The following RNF214 variants were observed in gnomAD, a reference collection of about 807,000 sequenced individuals.
RNF214 encodes ring finger protein 214.
A neutral mutation model predicts 75.9 loss-of-function variants in RNF214; 25 were observed. The ratio of observed to expected loss-of-function variants is 0.33; its 90% CI spans 0.24 to 0.46. The LOEUF (loss-of-function observed/expected upper bound fraction) is 0.46, where lower values mean the gene tolerates loss of function less well. Among genes scored for constraint, RNF214 ranks in the 20% least tolerant of loss-of-function variants. The pLI is 1.00. For missense variants in RNF214, 725 were observed against 857.5 expected, an observed-to-expected ratio of 0.85 and a Z score of 1.93; for synonymous variants, 314 against 308.8, an observed-to-expected ratio of 1.02 and a Z score of -0.18.
At chr11:117,259,948 C>T (rs2033617865) in intron 6 of RNF214, among the ~76,000 whole-genome samples, 1 of 152,042 alleles carries the variant, frequency 6.6e-6, no homozygotes, top group African/African-American at 2.4e-5. Flanking sequence ...ATAGTTAGTG[C>T]TTTCTCTGTC....
At chr11:117,258,160 C>G (rs1017371811) in intron 6 of RNF214, among the ~76,000 whole-genome samples, 3 of 151,830 alleles carry the variant, frequency 2.0e-5, no homozygotes, top group Non-Finnish European at 4.4e-5. Context: ...CCTTTGCCTT[C>G]CAGGTTCAAG....
intron 6 of RNF214, among the ~76,000 whole-genome samples, chr11:117,267,684 G>T (rs1013649509): frequency 1.3e-5 from 2 of 151,840 alleles, no homozygotes; most frequent in African/African-American, 4.8e-5. Flanking sequence ...AGCTGAAATT[G>T]CACCACTGCA....
chr11:117,278,862 G>A (rs1309633471), intron 6 of RNF214, among the ~76,000 whole-genome samples: 3 of 152,188 alleles, frequency 2.0e-5, no homozygotes, highest in Non-Finnish European at 2.9e-5. Flanking sequence ...AGGCCGAGGT[G>A]GCAGGATCAC....
At chr11:117,273,553 T>TACAACCAACAA (rs2134410444) in intron 6 of RNF214, among the ~76,000 whole-genome samples, 4 of 152,302 alleles carry the variant, frequency 2.6e-5, no homozygotes, top group African/African-American at 9.6e-5. Context: ...CAAAATGTTA[T>TACAACCAACAA]ACAACCAACA....
At chr11:117,266,979 A>AG (rs1209146501) in intron 6 of RNF214, among the ~76,000 whole-genome samples, 1 of 150,402 alleles carries the variant, frequency 6.6e-6, no homozygotes, top group Non-Finnish European at 1.5e-5. Context: ...CTCACAAAAA[A>AG]AAAAAAAAAA....
chr11:117,282,873 A>T, intron 13 of RNF214, 23 bp downstream of exon 13: 1 of 1,553,370 alleles, frequency 6.4e-7, no homozygotes, highest in South Asian at 1.1e-5. Context: ...TTCTTTGAAC[A>T]CTGTGATATG....
chr11:117,279,363 G>A (rs1310115596), intron 6 of RNF214, among the ~76,000 whole-genome samples: 1 of 125,344 alleles, frequency 8.0e-6, no homozygotes. Context: ...ACAGAGTCTC[G>A]CTTTGTAGCC....
In RNF214 at chr11:117,285,964, T is replaced by G. The variant is rs2034249524; in HGVS notation, c.*813T>G. 6.6e-6 allele frequency: 1 copy of G among 152,552 alleles called. No individual in the cohort carries two copies. The highest frequency in any genetic ancestry group is 1.5e-5 in the Non-Finnish European group (1 of 68,020). The allele number at this position is 152,552 out of a possible 1,614,324, so 9.4% of individuals were successfully genotyped here. A position where few individuals can be genotyped will look rare whatever the true frequency, so the allele number is the denominator to read the frequency against. ...TAATCAAGCTCTGACAGGCCAACAT[T>G]GTGAAGTCCTCACCCTTTCCCATTC... On this transcript the variant is annotated 3_prime_UTR_variant, in exon 15 of 15. Coordinates refer to ENST00000300650, the MANE Select transcript of RNF214 (RefSeq NM_207343.4).
At chr11:117,266,973 C>CAAAA (rs34374425) in intron 6 of RNF214, among the ~76,000 whole-genome samples, 3 of 79,862 alleles carry the variant, frequency 3.8e-5, no homozygotes, top group Non-Finnish European at 4.9e-5. Context: ...TCCTGCCTCA[C>CAAAA]AAAAAAAAAA....
At chr11:117,262,914 C>T (rs1195753610) in intron 6 of RNF214, among the ~76,000 whole-genome samples, 1 of 152,102 alleles carries the variant, frequency 6.6e-6, no homozygotes, top group Non-Finnish European at 1.5e-5. Flanking sequence ...TCACACAATT[C>T]TCCCACCTCA....
At chr11:117,248,434 G>A (rs2033286807) in intron 6 of RNF214, among the ~76,000 whole-genome samples, 1 of 152,198 alleles carries the variant, frequency 6.6e-6, no homozygotes, top group Admixed American at 6.5e-5. Context: ...TGAATACTCG[G>A]TTGATTTTAT....
At chr11:117,250,976 T>C (rs1405140455) in intron 6 of RNF214, among the ~76,000 whole-genome samples, 1 of 146,096 alleles carries the variant, frequency 6.8e-6, no homozygotes, top group Admixed American at 6.9e-5. Context: ...GAATTTTTCT[T>C]AGTACAGAAC....
intron 6 of RNF214, among the ~76,000 whole-genome samples, chr11:117,276,599 A>T (rs1019016532): frequency 6.6e-6 from 1 of 152,014 alleles, no homozygotes; most frequent in Non-Finnish European, 1.5e-5. Flanking sequence ...CCCTCTCTCT[A>T]AAAAAAAGAA....
At chr11:117,281,868 C>T (rs1198510518) in intron 10 of RNF214, 26 bp from the exon 11 acceptor site, 3 of 1,602,544 alleles carry the variant, frequency 1.9e-6, no homozygotes, top group African/African-American at 2.7e-5. Context: ...CTTTCTCTCT[C>T]GTCCTCTACC....
chr11:117,271,406 C>T (rs2033907650), intron 6 of RNF214, among the ~76,000 whole-genome samples: 1 of 152,210 alleles, frequency 6.6e-6, no homozygotes, highest in African/African-American at 2.4e-5. Flanking sequence ...AAACTGCCTC[C>T]AGGCAGTGAG....
intron 6 of RNF214, among the ~76,000 whole-genome samples, chr11:117,258,204 G>A (rs1248508760): frequency 6.6e-6 from 1 of 151,970 alleles, no homozygotes; most frequent in Non-Finnish European, 1.5e-5. Flanking sequence ...TAGTAGCAGG[G>A]ACTACAGGTG....
chr11:117,245,144 C>A (rs987953340), intron 5 of RNF214, among the ~76,000 whole-genome samples: 34 of 150,024 alleles, frequency 2.3e-4, no homozygotes, highest in Non-Finnish European at 4.6e-4. Context: ...ATGGCAAAAT[C>A]CCATCTTTAC....
At chr11:117,280,298 AGTTT>A (rs3832781) in intron 8 of RNF214, 39 bp downstream of exon 8, 44,083 of 1,309,098 alleles carry the variant, frequency 0.034, 996 homozygotes, top group Non-Finnish European at 0.037. Flanking sequence ...ATTGTTTTGC[AGTTT>A]GTTTGTTTGT....
At chr11:117,277,875 G>A (rs2034044955) in intron 6 of RNF214, among the ~76,000 whole-genome samples, 1 of 152,028 alleles carries the variant, frequency 6.6e-6, no homozygotes, top group East Asian at 1.9e-4. Context: ...TCGGGAGGCT[G>A]AGGCAGGAGA....
Sources: gnomAD v4.1 joint callset for allele counts (sites outside exome capture counted in the v4.1 genomes callset) on GRCh38, gnomAD v4.1.1 for gene constraint, MANE v1.5 for transcripts, NCBI Gene and HGNC (gene_info 2026-07-23, HGNC 2026-07-21) for gene names.